ZFHX3: variants seen among roughly 807,000 people sequenced by gnomAD.
ZFHX3 encodes zinc finger homeobox protein 3.
A neutral mutation model predicts 279.1 loss-of-function variants in ZFHX3; 42 were observed. That is an observed-to-expected ratio of 0.15 (90% CI 0.12 to 0.19). The LOEUF is 0.19. Ranked by LOEUF, ZFHX3 falls within the 10% of genes least tolerant of loss-of-function variation. The pLI, the probability that ZFHX3 is intolerant of heterozygous loss-of-function variation, is 1.00. For synonymous variants in ZFHX3, 2,293 were observed against 1,957.8 expected (o/e 1.17, Z -4.52); for missense variants, 4,981 against 4,754.0 (o/e 1.05, Z -1.40).
At chr16:73,397,395 A>C (rs572809744) in intron 3 of ZFHX3, among the ~76,000 whole-genome samples, 9 of 152,312 alleles carry the variant, frequency 5.9e-5, no homozygotes, top group African/African-American at 2.2e-4. Context: ...GAGAGGAGGC[A>C]GAGGAAGAGT....
chr16:73,622,539 G>A (rs983603428), intron 2 of ZFHX3, among the ~76,000 whole-genome samples: 4 of 151,982 alleles, frequency 2.6e-5, no homozygotes, highest in African/African-American at 9.7e-5. Flanking sequence ...TCCAGCTTGG[G>A]CGACAGAGTG....
chr16:73,749,829 G>C (rs190859777), intron 1 of ZFHX3, among the ~76,000 whole-genome samples: 1 of 152,294 alleles, frequency 6.6e-6, no homozygotes, highest in Non-Finnish European at 1.5e-5. Context: ...CTACTTGAAG[G>C]GCAGCCTTGG....
chr16:73,807,200 A>G (rs528789789), intron 1 of ZFHX3, among the ~76,000 whole-genome samples: 1 of 152,172 alleles, frequency 6.6e-6, no homozygotes, highest in Admixed American at 6.5e-5. Flanking sequence ...GTTACCCCAG[A>G]AGTTGAGTTG....
At chr16:72,842,679 A>G (rs896961282) in intron 4 of ZFHX3, among the ~76,000 whole-genome samples, 2 of 152,240 alleles carry the variant, frequency 1.3e-5, no homozygotes, top group African/African-American at 4.8e-5. Flanking sequence ...AAACTTTCAA[A>G]AAACAAACCC....
intron 5 of ZFHX3, among the ~76,000 whole-genome samples, chr16:73,248,774 C>A (rs1306084634): frequency 2.0e-5 from 3 of 151,936 alleles, no homozygotes; most frequent in Non-Finnish European, 2.9e-5. Context: ...ACATGAGTAA[C>A]GTCAAAGAAG....
chr16:72,842,964 T>C (rs981469809), intron 4 of ZFHX3, among the ~76,000 whole-genome samples: 1 of 152,136 alleles, frequency 6.6e-6, no homozygotes, highest in African/African-American at 2.4e-5. Flanking sequence ...TGGATACAAT[T>C]AGGATGGCAA....
chr16:73,879,805 A>C (rs1317149190), intron 1 of ZFHX3, among the ~76,000 whole-genome samples: 1 of 151,998 alleles, frequency 6.6e-6, no homozygotes, highest in Non-Finnish European at 1.5e-5. Flanking sequence ...GCTTCTACCC[A>C]CTACTTGCCA....
At chr16:73,426,461 G>A (rs1291144593) in intron 3 of ZFHX3, among the ~76,000 whole-genome samples, 1 of 152,102 alleles carries the variant, frequency 6.6e-6, no homozygotes, top group Non-Finnish European at 1.5e-5. Context: ...ACATTAATGG[G>A]GATCAGTACA....
At chr16:73,331,548 A>G (rs2015805264) in intron 3 of ZFHX3, among the ~76,000 whole-genome samples, 1 of 152,222 alleles carries the variant, frequency 6.6e-6, no homozygotes, top group African/African-American at 2.4e-5. Flanking sequence ...TGCAGAGAGT[A>G]CATCCACAAT....
intron 1 of ZFHX3, among the ~76,000 whole-genome samples, chr16:73,791,435 AT>A (rs1273906247): frequency 2.7e-5 from 4 of 150,846 alleles, no homozygotes; most frequent in African/African-American, 9.8e-5. Context: ...TCATTTTTTA[AT>A]TTTTTTTGAG....
chr16:73,768,313 G>A (rs534188818), intron 1 of ZFHX3, among the ~76,000 whole-genome samples: 4 of 152,274 alleles, frequency 2.6e-5, no homozygotes, highest in African/African-American at 9.6e-5. Flanking sequence ...CACAAAGGAG[G>A]GTGAAGAAAG....
chr16:73,282,076 C>T (rs975500602), intron 4 of ZFHX3, among the ~76,000 whole-genome samples: 3 of 152,176 alleles, frequency 2.0e-5, no homozygotes, highest in Non-Finnish European at 4.4e-5. Context: ...ATTGTGTGTG[C>T]GCGTTTGTGT....
chr16:73,803,993 C>CA (rs1412762918), intron 1 of ZFHX3, among the ~76,000 whole-genome samples: 1 of 151,976 alleles, frequency 6.6e-6, no homozygotes, highest in African/African-American at 2.4e-5. Context: ...CGCGTCTCTA[C>CA]AAAAAATACA....
rs374031124 is a variant in ZFHX3 at position 73,840,981 on chromosome 16, G to T, written c.-1608+50670C>A. ...CCCAAAGGAATTGGCAGGACACCAG[G>T]AAAAGCAATAGGAAAGCAGGTGGTG... On this transcript the variant is annotated intron_variant, in intron 1 of 17. Transcript: ENST00000641206. 1.1e-4 allele frequency among the ~76,000 whole-genome samples: 17 copies of T among 152,282 alleles called. 1 individual carries two copies. Among genetic ancestry groups the T allele is most frequent in the Admixed American group, 7.2e-4 (11 of 15,294 alleles).
chr16:72,907,598 TGTGTGTG>T (rs2039213598), intron 3 of ZFHX3, among the ~76,000 whole-genome samples: 1 of 138,282 alleles, frequency 7.2e-6, no homozygotes, highest in Non-Finnish European at 1.6e-5. Flanking sequence ...TGTGTGTGTG[TGTGTGTG>T]TTGTGTGTAT....
chr16:73,814,630 C>T lies in ZFHX3; in HGVS notation c.-1608+77021G>A, dbSNP rs1021573812. 8.6e-5 allele frequency among the ~76,000 whole-genome samples: 13 copies of T among 151,240 alleles called. 1 individual carries two copies. ...TTGCCCAGGCTGGAGTGCAGTGGCG[C>T]AATCTCAGCTCACTTCAGCCTCTGC... On this transcript the variant is annotated intron_variant, in intron 1 of 17. Coordinates refer to the ZFHX3 transcript ENST00000641206.
chr16:73,341,366 G>C (rs1260643138), intron 3 of ZFHX3, among the ~76,000 whole-genome samples: 3 of 151,700 alleles, frequency 2.0e-5, no homozygotes, highest in Admixed American at 6.6e-5. Context: ...ACAATAGAGA[G>C]GAAAAGGCCA....
intron 3 of ZFHX3, among the ~76,000 whole-genome samples, chr16:73,394,289 A>T (rs1597316160): frequency 6.8e-6 from 1 of 147,012 alleles, no homozygotes; most frequent in African/African-American, 2.5e-5. Context: ...TACATATTTG[A>T]TATATATATA....
intron 3 of ZFHX3, among the ~76,000 whole-genome samples, chr16:72,890,468 G>A (rs556030868): frequency 6.6e-6 from 1 of 151,172 alleles, no homozygotes; most frequent in Non-Finnish European, 1.5e-5. Flanking sequence ...GGACTAATGA[G>A]GTCTTCAACT....
Sources: gnomAD v4.1 joint callset for allele counts (sites outside exome capture counted in the v4.1 genomes callset) on GRCh38, gnomAD v4.1.1 for gene constraint, MANE v1.5 for transcripts, NCBI Gene and HGNC (gene_info 2026-07-23, HGNC 2026-07-21) for gene names.